Variants in AP3B2 observed in about 807,000 individuals in gnomAD.
AP3B2 encodes adaptor related protein complex 3 subunit beta 2, also known as AP-3 complex subunit beta-2.
In AP3B2, 50 loss-of-function variants were observed where a neutral mutation model predicts 126.9. The observed-to-expected ratio is 0.39, with a 90% confidence interval of 0.31 to 0.50. AP3B2 has a LOEUF of 0.50. Ranked by LOEUF, AP3B2 falls within the 20% of genes least tolerant of loss-of-function variation. The pLI, the probability that AP3B2 is intolerant of heterozygous loss-of-function variation, is 0.79. For synonymous variants in AP3B2, 541 were observed against 565.0 expected, an observed-to-expected ratio of 0.96 and a Z score of 0.60; for missense variants, 1,177 against 1,426.4, an observed-to-expected ratio of 0.83 and a Z score of 2.82.
chr15:82,694,201 C>T (rs893093720), intron 1 of AP3B2, among the ~76,000 whole-genome samples: 2 of 151,720 alleles, frequency 1.3e-5, no homozygotes, highest in East Asian at 1.9e-4. Flanking sequence ...GTTGGGGTTT[C>T]GCCATGTTGA....
chr15:82,676,408 C>T, intron 14 of AP3B2, 53 bp downstream of exon 14: 1 of 1,584,956 alleles, frequency 6.3e-7, no homozygotes. Context: ...AGAATACTGT[C>T]TAGGGAGTTT....
In AP3B2 at chr15:82,664,752, C is replaced by T; in HGVS notation, c.2137+83G>A. Reference sequence around the variant, plus strand: ...CAGGTGCACACCCCTAGACACACAACCATATACATATACCCCTCATATAGT... The same window carrying T: ...CAGGTGCACACCCCTAGACACACAATCATATACATATACCCCTCATATAGT... On this transcript the variant is annotated intron_variant, in intron 18 of 26. Transcript: ENST00000535359. This position sits in a 1 kb window ranked among gnomAD's most constrained non-coding sequence, Gnocchi z 4.5. The T allele has an allele frequency of 1.7e-6, 2 of 1,147,384 alleles. No individual in the cohort carries two copies. Among genetic ancestry groups the T allele is most frequent in the Non-Finnish European group, 2.5e-6 (2 of 795,460 alleles). The allele number at this position is 1,147,384 out of a possible 1,614,324, so 71.1% of individuals were successfully genotyped here.
chr15:82,688,621 G>A, intron 4 of AP3B2, 115 bp downstream of exon 4: 1 of 961,094 alleles, frequency 1.0e-6, no homozygotes, highest in Non-Finnish European at 1.6e-6. Context: ...ATTTTAGGCA[G>A]GTAGGAAGGG....
chr15:82,692,258 C>T, intron 1 of AP3B2: 1 of 886,030 alleles, frequency 1.1e-6, no homozygotes, highest in Admixed American at 2.8e-5. Flanking sequence ...TAAGCTTGAT[C>T]TTGCGGATCC....
chr15:82,662,766 G>A lies in AP3B2; in HGVS notation c.2761C>T (p.Pro921Ser). ...HIHFSNSSDTPIKGLHVGTPK... is the reference protein window; with the variant it reads ...HIHFSNSSDTSIKGLHVGTPK... ...GTGCCCACATGCAGGCCCTTGATGG[G>A]GGTATCAGAGCTGTTGGAGAAGTGG... The change falls in exon 23 of 27, where the codon CCC (proline) becomes TCC (serine). Residue 921 changes from proline (P) to serine (S), a missense_variant. Around this residue, in one of 5 missense-constraint regions of AP3B2, gnomAD observed 587 missense variants for 571.3 expected, o/e 1.03. Transcript: ENST00000535359. 6.2e-7 allele frequency: 1 copy of A among 1,613,886 alleles called. No individual in the cohort carries two copies. The highest frequency in any genetic ancestry group is 8.5e-7 in the Non-Finnish European group (1 of 1,179,838).
intron 1 of AP3B2, 39 bp downstream of exon 1, chr15:82,709,554 GC>G: frequency 6.9e-7 from 1 of 1,443,836 alleles, no homozygotes. Flanking sequence ...CCGGTCCCCG[GC>G]CCCAACCCTC....
chr15:82,677,048 A>C (rs1240343882), intron 13 of AP3B2, among the ~76,000 whole-genome samples: 1 of 152,182 alleles, frequency 6.6e-6, no homozygotes. Flanking sequence ...TTAGAGAGAA[A>C]ACAAGAGTAG....
chr15:82,659,535 C>CCAAA lies in AP3B2; in HGVS notation c.*21_*24dup. On this transcript the variant is annotated 3_prime_UTR_variant, in exon 27 of 27. Transcript: ENST00000535359. ...TGTCATGGGGAGGTATAGATGGGAGCCAAACAGGTCACAGCATTTGGAAGT... is the reference window on the plus strand; with the variant it reads ...TGTCATGGGGAGGTATAGATGGGAGCCAAACAAACAGGTCACAGCATTTGGAAGT... The CCAAA allele has an allele frequency of 6.2e-7, 1 of 1,611,430 alleles. No homozygotes were observed. The highest frequency in any genetic ancestry group is 8.5e-7 in the Non-Finnish European group (1 of 1,178,408).
chr15:82,688,242 C>A lies in AP3B2; in HGVS notation c.360+494G>T, dbSNP rs924351707. ...AGATGTCTTAGACTAACCAGAAAAG[C>A]CCTTAGGGGGGAGACTTATACATGC... On this transcript the variant is annotated intron_variant, in intron 4 of 26. Transcript: ENST00000535359. The A allele has an allele frequency of 4.1e-5, 24 of 587,390 alleles. No homozygotes were observed. The East Asian group carries it at 6.7e-4, about 16-fold the overall frequency. 36.4% of individuals were successfully genotyped at this position (587,390 alleles called of 1,614,324 possible).
chr15:82,707,922 G>A (rs187839502), intron 1 of AP3B2, among the ~76,000 whole-genome samples: 72 of 152,262 alleles, frequency 4.7e-4, no homozygotes, highest in African/African-American at 1.6e-3. Context: ...CAAGGCTATG[G>A]AGAAGCAGTA....
intron 14 of AP3B2, among the ~76,000 whole-genome samples, chr15:82,674,485 G>A (rs915344390): frequency 6.6e-6 from 1 of 152,208 alleles, no homozygotes; most frequent in Non-Finnish European, 1.5e-5. Context: ...CCTGACAGGG[G>A]TCATTCCTAG....
At chr15:82,700,784 T>C (rs1245983133) in intron 1 of AP3B2, among the ~76,000 whole-genome samples, 1 of 152,050 alleles carries the variant, frequency 6.6e-6, no homozygotes, top group African/African-American at 2.4e-5. Flanking sequence ...CACCACCTGG[T>C]TCCCGAAAAA....
intron 1 of AP3B2, among the ~76,000 whole-genome samples, chr15:82,690,748 G>A (rs536970683): frequency 1.4e-5 from 2 of 145,256 alleles, no homozygotes; most frequent in African/African-American, 5.0e-5. Flanking sequence ...CCACCTCCTG[G>A]GTTCATGCCA....
At position 82,706,445 on chromosome 15, in the gene AP3B2, C is replaced by G. The variant is rs190286249; in HGVS notation, c.113+3149G>C. ...ATTCCTCTTTAATAAAAACTCTTCT[C>G]AAGGCCGCTTTACTTCCAAAGGAAG... On this transcript the variant is annotated intron_variant, in intron 1 of 26. Coordinates refer to ENST00000535359, the MANE Select transcript of AP3B2 (RefSeq NM_001278512.2). Among the ~76,000 whole-genome samples, 29 of 152,286 alleles carry G rather than the reference C, an allele frequency of 1.9e-4. 2 individuals are homozygous for G. In the East Asian group the frequency reaches 4.8e-3, roughly 25 times the overall value.
intron 22 of AP3B2, 73 bp from the exon 23 acceptor site, chr15:82,662,995 G>A: frequency 1.3e-6 from 2 of 1,535,834 alleles, no homozygotes; most frequent in Non-Finnish European, 1.8e-6. Flanking sequence ...GTCCCCTAGG[G>A]CCATCCAGCA....
In AP3B2 at chr15:82,663,363, G is replaced by A. The variant is rs1021423374; in HGVS notation, c.2498-130C>T. The stretch of plus-strand genomic sequence containing the variant: ...GGCACATGGCTGCCTGGAGGCTCTC[G>A]CAAAATACCCATTCCTAGACCTCAA... On this transcript the variant is annotated intron_variant, in intron 21 of 26. Coordinates refer to ENST00000535359, the MANE Select transcript of AP3B2 (RefSeq NM_001278512.2). 1.6e-5 allele frequency: 16 copies of A among 979,584 alleles called. No individual in the cohort carries two copies. The East Asian group carries it at 1.8e-4, about 11-fold the overall frequency. 60.7% of individuals were successfully genotyped at this position (979,584 alleles called of 1,614,324 possible).
At chr15:82,707,614 A>G (rs1468303561) in intron 1 of AP3B2, among the ~76,000 whole-genome samples, 1 of 152,228 alleles carries the variant, frequency 6.6e-6, no homozygotes, top group African/African-American at 2.4e-5. Context: ...TCCCTCTTAA[A>G]GTAAATAAAT....
At position 82,709,594 on chromosome 15, in the gene AP3B2, C is replaced by T; in HGVS notation, c.113G>A (p.Arg38Gln). The T allele has an allele frequency of 2.7e-6, 4 of 1,499,272 alleles. No individual in the cohort carries two copies. The highest frequency in any genetic ancestry group is 3.6e-6 in the Non-Finnish European group (4 of 1,124,428). The allele number at this position is 1,499,272 out of a possible 1,614,324, so 92.9% of individuals were successfully genotyped here. A position where few individuals can be genotyped will look rare whatever the true frequency, so the allele number is the denominator to read the frequency against. The change falls in exon 1 of 27, where the codon CGG (arginine) becomes CAG (glutamine). Residue 38 changes from arginine to glutamine, a missense_variant and splice_region_variant. Coordinates refer to ENST00000535359, the MANE Select transcript of AP3B2 (RefSeq NM_001278512.2). ...SGGIFSSDYK[R>Q]HDDLKEMLDT... Reference sequence around the variant, plus strand: ...CGAGCTTCCTGGCGGGCTCCCTCACCGCTTGTAGTCGGAGGAGAAGATGCC... The same window carrying T: ...CGAGCTTCCTGGCGGGCTCCCTCACTGCTTGTAGTCGGAGGAGAAGATGCC...
In AP3B2 at chr15:82,661,861, CAG is replaced by C. The variant is rs1347618037; in HGVS notation, c.2978_2979del (p.Pro993ArgfsTer5). 8.1e-6 allele frequency: 13 copies of C among 1,613,722 alleles called. No homozygotes were observed. Among genetic ancestry groups the C allele is most frequent in the South Asian group, 2.2e-5 (2 of 90,996 alleles). On this transcript the variant is annotated frameshift_variant, in exon 25 of 27. Transcript: ENST00000535359. LOFTEE classifies it high-confidence loss of function. ...IQPPVGELMA[P>X]VFMSENEFKK... ...TTAAACTCATTTTCACTCATGAACA[CAG>C]GGGCCATCAGCTCCCCAACAGGTGG...
Sources: gnomAD v4.1 joint callset for allele counts (sites outside exome capture counted in the v4.1 genomes callset) on GRCh38, gnomAD v4.1.1 for gene constraint, gnomAD v4.1.1 regional missense constraint, Gnocchi (gnomAD v3.1) non-coding constraint, MANE v1.5 for transcripts, NCBI Gene and HGNC (gene_info 2026-07-23, HGNC 2026-07-21) for gene names.